The following NOL10 variants were observed in gnomAD, a reference collection of about 807,000 sequenced individuals.
NOL10 encodes nucleolar protein 10, also known as H_NH0074G24.1.
NOL10 carries 58 observed loss-of-function variants against 103.5 expected under a neutral mutation model. The observed-to-expected ratio is 0.56, with a 90% CI of 0.45 to 0.70. The LOEUF (loss-of-function observed/expected upper bound fraction) is 0.70, where lower values mean the gene tolerates loss of function less well. NOL10 is among the 30% of genes least tolerant of loss of function. NOL10 has a pLI of 0.00. For missense variants in NOL10, 763 were observed against 807.3 expected (o/e 0.95, Z 0.67); for synonymous variants, 287 against 282.5 (o/e 1.02, Z -0.16).
intron 19 of NOL10, among the ~76,000 whole-genome samples, chr2:10,578,158 G>C (rs145658146): frequency 4.7e-4 from 72 of 152,180 alleles, no homozygotes; most frequent in African/African-American, 1.6e-3. Context: ...TGAGTAATTT[G>C]GCCACTCGTC....
At chr2:10,678,460 T>G (rs1237998083) in intron 3 of NOL10, among the ~76,000 whole-genome samples, 4 of 150,394 alleles carry the variant, frequency 2.7e-5, no homozygotes, top group Non-Finnish European at 5.9e-5. Context: ...AGAGCCTCTA[T>G]TTCTTATCTT....
At chr2:10,608,403 T>C (rs769834590) in intron 13 of NOL10, among the ~76,000 whole-genome samples, 4 of 152,220 alleles carry the variant, frequency 2.6e-5, no homozygotes, top group African/African-American at 4.8e-5. Context: ...ATTTTTGCTA[T>C]TGATACAAAT....
At position 10,571,984 on chromosome 2, in the gene NOL10, T is replaced by G; in HGVS notation, c.*87A>C. On this transcript the variant is annotated 3_prime_UTR_variant, in exon 21 of 21. Coordinates refer to ENST00000381685, the MANE Select transcript of NOL10 (RefSeq NM_024894.4). ...CGTACATGAACTTTAAAAACGTGTG[T>G]TTCCTCGTCTGTGTTTAACACCCTA... 6.9e-7 allele frequency: 1 copy of G among 1,448,604 alleles called. No homozygotes were observed. Among genetic ancestry groups the G allele is most frequent in the Non-Finnish European group, 9.5e-7 (1 of 1,050,674 alleles). 89.7% of individuals were successfully genotyped at this position (1,448,604 alleles called of 1,614,324 possible). A position where few individuals can be genotyped will look rare whatever the true frequency, so the allele number is the denominator to read the frequency against.
chr2:10,650,303 G>T (rs1679372262), intron 12 of NOL10, among the ~76,000 whole-genome samples: 1 of 56,326 alleles, frequency 1.8e-5, no homozygotes, highest in Non-Finnish European at 6.7e-5. Flanking sequence ...TGGGACTACA[G>T]GCGCACAGTG....
intron 11 of NOL10, among the ~76,000 whole-genome samples, chr2:10,655,804 G>C (rs1305949545): frequency 4.6e-5 from 7 of 152,206 alleles, no homozygotes. Context: ...CACTAGGATG[G>C]ACTAAGTGCC....
intron 3 of NOL10, 37 bp from the exon 4 acceptor site, chr2:10,675,908 T>A (rs373356951): frequency 1.1e-5 from 13 of 1,154,980 alleles, no homozygotes; most frequent in Non-Finnish European, 1.6e-5. Context: ...CCTAAAGACA[T>A]ACTTTCATAG....
chr2:10,589,441 TA>T, intron 18 of NOL10, 136 bp downstream of exon 18: 1 of 1,233,776 alleles, frequency 8.1e-7, no homozygotes, highest in East Asian at 2.5e-5. Context: ...AATAAGATAA[TA>T]CTCCTAAGCC....
In NOL10 at chr2:10,689,934, T is replaced by C; in HGVS notation, c.-73A>G. ...GCTCGAGCACCGTAATCCCGGGACCTCCGAGCCCCTGCTCCGCGGCGTGCG... is the reference window on the plus strand; with the variant it reads ...GCTCGAGCACCGTAATCCCGGGACCCCCGAGCCCCTGCTCCGCGGCGTGCG... On this transcript the variant is annotated 5_prime_UTR_variant, in exon 1 of 21. Transcript: ENST00000381685. 7 of 1,415,538 alleles carry C rather than the reference T, an allele frequency of 4.9e-6. No homozygotes were observed. Among genetic ancestry groups the C allele is most frequent in the Non-Finnish European group, 6.8e-6 (7 of 1,024,208 alleles). The allele number at this position is 1,415,538 out of a possible 1,614,324, so 87.7% of individuals were successfully genotyped here.
rs1393693975 is a variant in NOL10 at position 10,587,218 on chromosome 2, C to T, written c.1844+1825G>A. On this transcript the variant is annotated intron_variant, in intron 19 of 20. Coordinates refer to ENST00000381685, the MANE Select transcript of NOL10 (RefSeq NM_024894.4). ...ACATATATATACACATATATATATA[C>T]ATATATATACATATATATATACATA... Among the ~76,000 whole-genome samples, 36 of 42,894 alleles carry T rather than the reference C, an allele frequency of 8.4e-4. 3 individuals carry two copies. Among genetic ancestry groups the T allele is most frequent in the South Asian group, 4.2e-3 (9 of 2,132 alleles). 28.1% of individuals were successfully genotyped at this position (42,894 alleles called of 152,430 possible).
At chr2:10,665,145 G>A (rs569095635) in intron 8 of NOL10, among the ~76,000 whole-genome samples, 3 of 152,162 alleles carry the variant, frequency 2.0e-5, no homozygotes, top group East Asian at 1.9e-4. Flanking sequence ...ATGAATAATC[G>A]AAGGGAAACC....
At chr2:10,642,508 C>G (rs115047860) in intron 13 of NOL10, among the ~76,000 whole-genome samples, 5,010 of 152,174 alleles carry the variant, frequency 0.033, 288 homozygotes, top group African/African-American at 0.12. Flanking sequence ...TCAGGACTCC[C>G]TGCCCTACAT....
chr2:10,685,929 G>T (rs1017606853), intron 1 of NOL10, among the ~76,000 whole-genome samples: 1 of 95,422 alleles, frequency 1.0e-5, no homozygotes, highest in African/African-American at 2.7e-5. Flanking sequence ...GGGCATGTTG[G>T]TACACACCTG....
Position 10,682,040 on chromosome 2 carries a change from C to T in NOL10, c.142G>A (p.Asp48Asn). The T allele has an allele frequency of 6.6e-7, 1 of 1,522,974 alleles. No individual in the cohort carries two copies. Among genetic ancestry groups the T allele is most frequent in the South Asian group, 1.4e-5 (1 of 73,610 alleles). 94.3% of individuals were successfully genotyped at this position (1,522,974 alleles called of 1,614,324 possible). A position where few individuals can be genotyped will look rare whatever the true frequency, so the allele number is the denominator to read the frequency against. Residue 48 changes from aspartate (D) to asparagine (N), a missense_variant, in exon 3 of 21, where the codon GAC becomes AAC. Asp to Asn is a conservative substitution (Grantham distance 23, BLOSUM62 1). Transcript: ENST00000381685. Reference sequence around the variant, plus strand: ...GTACACACAGTAGGCATTTCAAAGTCCTGAATAAGTTCAATTCTCCTACGG... The same window carrying T: ...GTACACACAGTAGGCATTTCAAAGTTCTGAATAAGTTCAATTCTCCTACGG... ...DVRRRIELIQDFEMPTVCTTI... is the reference protein window; with the variant it reads ...DVRRRIELIQNFEMPTVCTTI...
At chr2:10,669,511 TATAC>T (rs201584948) in intron 6 of NOL10, among the ~76,000 whole-genome samples, 12,040 of 95,002 alleles carry the variant, frequency 0.13, 883 homozygotes, top group East Asian at 0.46. Flanking sequence ...CACACACATA[TATAC>T]ACACACACAC....
intron 12 of NOL10, among the ~76,000 whole-genome samples, chr2:10,649,306 T>C (rs981159658): frequency 1.1e-4 from 15 of 137,844 alleles, no homozygotes; most frequent in Middle Eastern, 3.6e-3. Flanking sequence ...TTTCTGTATG[T>C]TTGAATTTTT....
chr2:10,642,401 G>A (rs781009293), intron 13 of NOL10, among the ~76,000 whole-genome samples: 14 of 152,174 alleles, frequency 9.2e-5, no homozygotes, highest in East Asian at 1.9e-4. Context: ...TGCTTGTTGC[G>A]TCCAGATTAG....
intron 3 of NOL10, among the ~76,000 whole-genome samples, chr2:10,677,942 T>C (rs1204450124): frequency 7.1e-6 from 1 of 140,300 alleles, no homozygotes; most frequent in African/African-American, 2.5e-5. Flanking sequence ...TACATATATA[T>C]ACACACATAA....
chr2:10,678,403 A>T (rs1681478297), intron 3 of NOL10, among the ~76,000 whole-genome samples: 1 of 148,702 alleles, frequency 6.7e-6, no homozygotes, highest in African/African-American at 2.5e-5. Context: ...TACTTTGGCC[A>T]CTAGGGGAAA....
intron 14 of NOL10, among the ~76,000 whole-genome samples, 164 bp from the exon 15 acceptor site, chr2:10,603,321 T>A (rs1401623871): frequency 6.6e-6 from 1 of 152,210 alleles, no homozygotes; most frequent in Admixed American, 6.5e-5. Context: ...GAACATTTAA[T>A]CTACTTCAGC....
Sources: gnomAD v4.1 joint callset for allele counts (sites outside exome capture counted in the v4.1 genomes callset) on GRCh38, gnomAD v4.1.1 for gene constraint, MANE v1.5 for transcripts, NCBI Gene and HGNC (gene_info 2026-07-23, HGNC 2026-07-21) for gene names.